TEX9: variants seen among roughly 807,000 people sequenced by gnomAD.
TEX9 encodes the protein testis expressed 9.
A neutral mutation model predicts 59.6 loss-of-function variants in TEX9; 74 were observed. The ratio of observed to expected loss-of-function variants is 1.24; its 90% CI spans 1.03 to 1.51. The LOEUF is 1.51. TEX9 is among the 40% of genes most tolerant of loss of function. The pLI is 0.00. For synonymous variants in TEX9, 186 were observed against 152.2 expected, an observed-to-expected ratio of 1.22 and a Z score of -1.64; for missense variants, 522 against 447.8, an observed-to-expected ratio of 1.17 and a Z score of -1.49.
intron 1 of TEX9, among the ~76,000 whole-genome samples, chr15:56,314,802 AC>A (rs1209964324): frequency 6.6e-6 from 1 of 151,380 alleles, no homozygotes; most frequent in African/African-American, 2.4e-5. Context: ...TTTGTAGGTC[AC>A]TCAGGACTTG....
At chr15:56,403,240 C>G (rs928892356) in intron 9 of TEX9, among the ~76,000 whole-genome samples, 3 of 152,210 alleles carry the variant, frequency 2.0e-5, no homozygotes, top group Non-Finnish European at 4.4e-5. Context: ...AAAACCCCAT[C>G]GTCTCAGCCC....
At chr15:56,332,062 C>T (rs1319020197) in intron 1 of TEX9, among the ~76,000 whole-genome samples, 7 of 129,482 alleles carry the variant, frequency 5.4e-5, no homozygotes, top group Admixed American at 1.7e-4. Flanking sequence ...GTCAGTGTGG[C>T]GATTCCTCAG....
intron 10 of TEX9, among the ~76,000 whole-genome samples, chr15:56,420,694 TG>T (rs1285930409): frequency 6.6e-6 from 1 of 151,994 alleles, no homozygotes; most frequent in Non-Finnish European, 1.5e-5. Flanking sequence ...ACACTGTAAA[TG>T]TTTCTCTATG....
chr15:56,307,195 T>C (rs2045504001), intron 1 of TEX9, among the ~76,000 whole-genome samples: 1 of 152,206 alleles, frequency 6.6e-6, no homozygotes, highest in Non-Finnish European at 1.5e-5. Flanking sequence ...TATAAGAAGC[T>C]GTTCACTGAA....
At chr15:56,358,294 T>C (rs771093925) in intron 1 of TEX9, among the ~76,000 whole-genome samples, 13 of 152,002 alleles carry the variant, frequency 8.6e-5, no homozygotes, top group Non-Finnish European at 1.6e-4. Flanking sequence ...GGAGGACACA[T>C]GGAAATTTCT....
chr15:56,259,547 A>T (rs2141338134), intron 1 of TEX9, among the ~76,000 whole-genome samples: 1 of 152,212 alleles, frequency 6.6e-6, no homozygotes, highest in African/African-American at 2.4e-5. Flanking sequence ...TCATTGTTGT[A>T]CATCAAGTAT....
intron 1 of TEX9, among the ~76,000 whole-genome samples, chr15:56,286,790 C>A (rs2044963258): frequency 6.6e-6 from 1 of 152,160 alleles, no homozygotes; most frequent in East Asian, 1.9e-4. Flanking sequence ...GACTGATGTT[C>A]AAATTACTAC....
chr15:56,321,536 G>A (rs1863424), intron 1 of TEX9, among the ~76,000 whole-genome samples: 148,329 of 152,216 alleles, frequency 0.97, 72,399 homozygotes, highest in East Asian at 1. Flanking sequence ...GCCATTATAT[G>A]AAAAGGTAAT....
In TEX9 at chr15:56,320,028, A is replaced by G. The variant is rs547330411; in HGVS notation, c.-106-53413A>G. ...TATGTCCTCTCTAAAACCTTGTGTC[A>G]TATTCTTGTAATTAACTAGTCTCCC... On this transcript the variant is annotated intron_variant, in intron 1 of 5. Coordinates refer to the TEX9 transcript ENST00000560827. Among the ~76,000 whole-genome samples the G allele has an allele frequency of 4.2e-3, 643 of 152,278 alleles. 1 individual carries two copies. The highest frequency in any genetic ancestry group is 7.5e-3 in the Non-Finnish European group (507 of 68,018).
chr15:56,394,600 CTTTGT>C, intron 8 of TEX9, 56 bp from the exon 9 acceptor site: 2 of 1,249,570 alleles, frequency 1.6e-6, no homozygotes, highest in Middle Eastern at 2.8e-4. Context: ...TTTTTTTCTG[CTTTGT>C]TTTGATAACA....
intron 1 of TEX9, among the ~76,000 whole-genome samples, chr15:56,300,991 A>T (rs2045347819): frequency 6.6e-6 from 1 of 152,220 alleles, no homozygotes; most frequent in African/African-American, 2.4e-5. Context: ...GGAAAATGTG[A>T]CCTTACCAAA....
chr15:56,327,206 A>G (rs1302849632), intron 1 of TEX9, among the ~76,000 whole-genome samples: 1 of 152,174 alleles, frequency 6.6e-6, no homozygotes, highest in Non-Finnish European at 1.5e-5. Context: ...TTCTATTTCA[A>G]TCAATATGAA....
At chr15:56,387,059 G>A (rs1431920043) in intron 4 of TEX9, among the ~76,000 whole-genome samples, 2 of 151,860 alleles carry the variant, frequency 1.3e-5, no homozygotes, top group African/African-American at 2.4e-5. Context: ...TCCTAATAAC[G>A]TAGTATACGT....
At chr15:56,424,641 C>A (rs1206829767) in intron 10 of TEX9, among the ~76,000 whole-genome samples, 5 of 152,116 alleles carry the variant, frequency 3.3e-5, no homozygotes, top group Admixed American at 1.3e-4. Context: ...TACTCCTTTT[C>A]AGCCCCTGCC....
chr15:56,391,091 TAAA>T, intron 6 of TEX9, 149 bp from the exon 7 acceptor site: 1 of 417,076 alleles, frequency 2.4e-6, no homozygotes, highest in East Asian at 4.0e-5. Flanking sequence ...ATATAATCCT[TAAA>T]AATATCAATT....
rs3217284 is a variant in TEX9 at position 56,412,173 on chromosome 15, CGTGTGT to C, written c.829-114_829-109del. 7.0e-3 allele frequency: 4,857 copies of C among 696,526 alleles called. 25 individuals are homozygous for C. The highest frequency in any genetic ancestry group is 9.6e-3 in the Non-Finnish European group (4,291 of 449,038). 43.1% of individuals were successfully genotyped at this position (696,526 alleles called of 1,614,324 possible). The stretch of plus-strand genomic sequence containing the variant: ...TTAGTGTTCAGCCTCTACCCCCAAG[CGTGTGT>C]GTGTGTGTGTGTGTAAAGTTTGAGA... On this transcript the variant is annotated intron_variant, in intron 9 of 12. Coordinates refer to ENST00000352903, the Ensembl canonical transcript of TEX9.
chr15:56,316,424 T>C (rs1285742676), intron 1 of TEX9, among the ~76,000 whole-genome samples: 1 of 40,426 alleles, frequency 2.5e-5, no homozygotes, highest in Non-Finnish European at 5.8e-5. Context: ...GAGGCGTCAG[T>C]GTGCCCCTGC....
intron 9 of TEX9, among the ~76,000 whole-genome samples, chr15:56,405,188 C>T (rs1188881291): frequency 3.3e-5 from 5 of 151,812 alleles, no homozygotes; most frequent in African/African-American, 1.2e-4. Context: ...CCTGTAGTCT[C>T]AGCTACTTGG....
At chr15:56,295,500 A>T (rs188463744) in intron 1 of TEX9, among the ~76,000 whole-genome samples, 24 of 152,160 alleles carry the variant, frequency 1.6e-4, no homozygotes, top group Non-Finnish European at 3.4e-4. Context: ...CTTCTTGAGG[A>T]CCAGGCTGCT....
Sources: gnomAD v4.1 joint callset for allele counts (sites outside exome capture counted in the v4.1 genomes callset) on GRCh38, gnomAD v4.1.1 for gene constraint, MANE v1.5 for transcripts, NCBI Gene and HGNC (gene_info 2026-07-23, HGNC 2026-07-21) for gene names.